Variants in ANTXR2 observed in about 807,000 individuals in gnomAD.
ANTXR2 encodes the protein ANTXR cell adhesion molecule 2.
A neutral mutation model predicts 73.7 loss-of-function variants in ANTXR2; 44 were observed. The ratio of observed to expected loss-of-function variants is 0.60; its 90% confidence interval spans 0.47 to 0.77. The LOEUF (loss-of-function observed/expected upper bound fraction) is 0.77. Ranked by LOEUF, ANTXR2 falls within the 30% of genes least tolerant of loss-of-function variation. The pLI is 0.00. For missense variants in ANTXR2, 604 were observed against 592.5 expected, an observed-to-expected ratio of 1.02 and a Z score of -0.20; for synonymous variants, 217 against 205.9, an observed-to-expected ratio of 1.05 and a Z score of -0.46.
intron 3 of ANTXR2, among the ~76,000 whole-genome samples, chr4:80,064,865 G>A (rs1413281852): frequency 1.3e-5 from 2 of 152,176 alleles, no homozygotes; most frequent in African/African-American, 4.8e-5. Flanking sequence ...TTAGGCCTTT[G>A]GGAAACACTG....
chr4:79,936,561 A>T (rs936204867), intron 16 of ANTXR2, among the ~76,000 whole-genome samples: 3 of 152,196 alleles, frequency 2.0e-5, no homozygotes, highest in Admixed American at 6.5e-5. Context: ...ATAAAAGCTT[A>T]GGTATAATTC....
chr4:80,067,011 C>A (rs572973463), intron 3 of ANTXR2, among the ~76,000 whole-genome samples: 7 of 152,016 alleles, frequency 4.6e-5, no homozygotes, highest in Non-Finnish European at 8.8e-5. Flanking sequence ...CGAGACCATC[C>A]CGGCTAACAC....
Position 80,069,700 on chromosome 4 carries a change from C to T in ANTXR2, c.225-193G>A, listed in dbSNP as rs7690964. Among the ~76,000 whole-genome samples, 35,584 of 151,990 alleles carry T rather than the reference C, an allele frequency of 0.23. 5,219 individuals carry two copies. Among genetic ancestry groups the T allele is most frequent in the East Asian group, 0.58 (3,006 of 5,158 alleles). ...CATAAGTCATTTTGGATTTAGTCAA[C>T]GCTTCCCAGCACTCACATACTCCTC... On this transcript the variant is annotated intron_variant, in intron 2 of 16. Transcript: ENST00000403729.
upstream of ANTXR2, chr4:80,073,378 C>T (rs1192471531): frequency 1.3e-5 from 2 of 152,246 alleles, no homozygotes; most frequent in Non-Finnish European, 2.9e-5. Flanking sequence ...CAAAAGTTAT[C>T]TAGAAACTAA....
At chr4:79,947,154 T>C (rs1728545676) in intron 16 of ANTXR2, among the ~76,000 whole-genome samples, 1 of 152,180 alleles carries the variant, frequency 6.6e-6, no homozygotes, top group African/African-American at 2.4e-5. Context: ...TTCTTCCCAT[T>C]AGAATAGTTT....
intron 3 of ANTXR2, among the ~76,000 whole-genome samples, chr4:80,058,129 A>G (rs141810362): frequency 3.2e-4 from 49 of 152,206 alleles, no homozygotes; most frequent in African/African-American, 1.0e-3. Flanking sequence ...CAGATTTTGC[A>G]TAAGACAGCC....
intron 9 of ANTXR2, among the ~76,000 whole-genome samples, chr4:80,032,558 C>A (rs1732745701): frequency 6.6e-6 from 1 of 151,738 alleles, no homozygotes; most frequent in Non-Finnish European, 1.5e-5. Flanking sequence ...ATTCAATAAA[C>A]ACATATTGAA....
intron 16 of ANTXR2, among the ~76,000 whole-genome samples, chr4:79,910,446 T>G (rs1578074358): frequency 7.0e-6 from 1 of 142,606 alleles, no homozygotes; most frequent in Non-Finnish European, 1.5e-5. Flanking sequence ...GAGGCGGAGG[T>G]TGCAGTGAAC....
At position 79,927,312 on chromosome 4, in the gene ANTXR2, G is replaced by A. The variant is rs7693444; in HGVS notation, c.1429-19845C>T. ...GCTCTTACCACACACACACACACAC[G>A]CACTCACCTGTGCACAGTAACTATG... On this transcript the variant is annotated intron_variant, in intron 16 of 16. Coordinates refer to ENST00000403729, the MANE Select transcript of ANTXR2 (RefSeq NM_058172.6). Among the ~76,000 whole-genome samples the A allele has an allele frequency of 1.5e-3, 74 of 50,302 alleles. 1 individual carries two copies. The highest frequency in any genetic ancestry group is 4.9e-3 in the African/African-American group (60 of 12,302). 33.0% of individuals were successfully genotyped at this position (50,302 alleles called of 152,430 possible).
intron 7 of ANTXR2, among the ~76,000 whole-genome samples, chr4:80,053,615 A>G (rs530263013): frequency 6.6e-6 from 1 of 151,784 alleles, no homozygotes; most frequent in East Asian, 1.9e-4. Context: ...CTTAATAGCA[A>G]CTGTTCCCAG....
In ANTXR2 at chr4:79,944,592, T is replaced by G. The variant is rs188839267; in HGVS notation, c.1428+33029A>C. Among the ~76,000 whole-genome samples the G allele has an allele frequency of 5.9e-3, 896 of 151,284 alleles. 16 individuals carry two copies. The highest frequency in any genetic ancestry group is 0.021 in the African/African-American group (852 of 41,278). On this transcript the variant is annotated intron_variant, in intron 16 of 16. Coordinates refer to ENST00000403729, the MANE Select transcript of ANTXR2 (RefSeq NM_058172.6). The stretch of plus-strand genomic sequence containing the variant: ...AAGGTATTTTTTTCAGCATTCACAA[T>G]AAAAAAAAATTGCCTATACTATGCT...
At chr4:80,073,448 A>T (rs1379915901), upstream of ANTXR2, 1 of 152,172 alleles carries the variant, frequency 6.6e-6, no homozygotes, top group African/African-American at 2.4e-5. Context: ...AACAGCCCCC[A>T]TGCGTGGTTC....
At chr4:80,071,406 A>C (rs1008354245) in intron 2 of ANTXR2, among the ~76,000 whole-genome samples, 177 bp downstream of exon 2, 1 of 152,202 alleles carries the variant, frequency 6.6e-6, no homozygotes, top group Non-Finnish European at 1.5e-5. Flanking sequence ...ATCCAGATGA[A>C]ATAAGCCCTC....
chr4:80,057,229 G>T (rs1171266647), intron 3 of ANTXR2, among the ~76,000 whole-genome samples: 1 of 151,836 alleles, frequency 6.6e-6, no homozygotes, highest in African/African-American at 2.4e-5. Context: ...ATTGTAAGAA[G>T]TATCATCTTA....
chr4:79,923,556 G>T (rs1323608318), intron 16 of ANTXR2, among the ~76,000 whole-genome samples: 2 of 152,112 alleles, frequency 1.3e-5, no homozygotes, highest in African/African-American at 2.4e-5. Context: ...GGTAGGAAGT[G>T]GGGTCTGCTT....
At position 79,947,877 on chromosome 4, in the gene ANTXR2, C is replaced by A. The variant is rs140982961; in HGVS notation, c.1428+29744G>T. ...CATGTAAAAACAGATTTTGGCCCTACCTTTTCATTACTGTTATAAAATTAT... is the reference window on the plus strand; with the variant it reads ...CATGTAAAAACAGATTTTGGCCCTAACTTTTCATTACTGTTATAAAATTAT... On this transcript the variant is annotated intron_variant, in intron 16 of 16. Coordinates refer to ENST00000403729, the MANE Select transcript of ANTXR2 (RefSeq NM_058172.6). Among the ~76,000 whole-genome samples the A allele has an allele frequency of 9.6e-3, 1,468 of 152,156 alleles. 13 individuals carry two copies. Among genetic ancestry groups the A allele is most frequent in the Middle Eastern group, 0.027 (8 of 294 alleles).
chr4:80,001,232 T>C (rs942064019), intron 12 of ANTXR2, among the ~76,000 whole-genome samples: 6 of 151,800 alleles, frequency 4.0e-5, no homozygotes, highest in African/African-American at 1.5e-4. Flanking sequence ...TAGTTACATA[T>C]GTATACATGT....
intron 12 of ANTXR2, among the ~76,000 whole-genome samples, chr4:79,995,819 G>T (rs1730696927): frequency 6.6e-6 from 1 of 151,886 alleles, no homozygotes; most frequent in Admixed American, 6.6e-5. Flanking sequence ...TGTTAATAAT[G>T]AAAACGAAGC....
rs574217971 is a variant in ANTXR2, at chr4:80,028,259, C to A, written c.866+3364G>T. 4.3e-4 allele frequency among the ~76,000 whole-genome samples: 65 copies of A among 152,132 alleles called. No homozygotes were observed. The South Asian group carries it at 6.6e-3, about 16-fold the overall frequency. ...CTGAACAATGCTCAAAATGATATACCTGGACAGGATTTGCCCAGATAACTT... is the reference window on the plus strand; with the variant it reads ...CTGAACAATGCTCAAAATGATATACATGGACAGGATTTGCCCAGATAACTT... On this transcript the variant is annotated intron_variant, in intron 10 of 16. Transcript: ENST00000403729.
Sources: gnomAD v4.1 joint callset for allele counts (sites outside exome capture counted in the v4.1 genomes callset) on GRCh38, gnomAD v4.1.1 for gene constraint, MANE v1.5 for transcripts, NCBI Gene and HGNC (gene_info 2026-07-23, HGNC 2026-07-21) for gene names.